Variants in GNB1 observed in about 807,000 individuals in gnomAD.
The protein encoded by GNB1 is guanine nucleotide-binding protein G(I)/G(S)/G(T) subunit beta-1.
A neutral mutation model predicts 42.9 loss-of-function variants in GNB1; 2 were observed. The ratio of observed to expected loss-of-function variants is 0.05; its 90% CI spans 0.02 to 0.15. The LOEUF (loss-of-function observed/expected upper bound fraction) is 0.15, where lower values mean the gene tolerates loss of function less well. Ranked by LOEUF, GNB1 falls within the 10% of genes least tolerant of loss-of-function variation. GNB1 has a pLI of 1.00. For synonymous variants in GNB1, 183 were observed against 174.7 expected (o/e 1.05, Z -0.38); for missense variants, 193 against 462.2 (o/e 0.42, Z 5.34).
chr1:1,800,438 T>C (rs1646608311), intron 7 of GNB1, among the ~76,000 whole-genome samples: 1 of 152,082 alleles, frequency 6.6e-6, no homozygotes, highest in African/African-American at 2.4e-5. Flanking sequence ...GTACATGAAC[T>C]TGAATGGAAA....
intron 1 of GNB1, among the ~76,000 whole-genome samples, chr1:1,886,205 C>A (rs1650147228): frequency 6.6e-6 from 1 of 152,050 alleles, no homozygotes; most frequent in Non-Finnish European, 1.5e-5. Flanking sequence ...GTAATCCCAG[C>A]TACTCGGGAG....
At chr1:1,831,540 C>G (rs1647075816) in intron 2 of GNB1, among the ~76,000 whole-genome samples, 1 of 151,986 alleles carries the variant, frequency 6.6e-6, no homozygotes, top group African/African-American at 2.4e-5. Context: ...CCTCCACCTC[C>G]TGAGTTCAAG....
At chr1:1,844,775 T>C (rs946381514) in intron 1 of GNB1, among the ~76,000 whole-genome samples, 2 of 152,236 alleles carry the variant, frequency 1.3e-5, no homozygotes, top group African/African-American at 2.4e-5. Context: ...AGCAGTCTTA[T>C]GTTTACTACA....
rs1334255852 is a variant in GNB1, at chr1:1,785,898, G to A, written c.*1165C>T. ...TGTACTGCTTCCGATATGTGCCACA[G>A]AGCAGCAACGAGAAGTGGACAGAGC... is the stretch of plus-strand genomic sequence containing the variant. On this transcript the variant is annotated 3_prime_UTR_variant, in exon 12 of 12. Transcript: ENST00000378609. The A allele has an allele frequency of 4.3e-5, 17 of 398,516 alleles. No homozygotes were observed. The highest frequency in any genetic ancestry group is 3.1e-4 in the Admixed American group (7 of 22,654). The allele number at this position is 398,516 out of a possible 1,614,324, so 24.7% of individuals were successfully genotyped here.
At chr1:1,854,666 C>T (rs908385521) in intron 1 of GNB1, among the ~76,000 whole-genome samples, 7 of 152,108 alleles carry the variant, frequency 4.6e-5, no homozygotes, top group Non-Finnish European at 8.8e-5. Context: ...CACCTACTAG[C>T]GAGGCTGAGG....
At chr1:1,805,270 C>A (rs1261864834) in intron 6 of GNB1, among the ~76,000 whole-genome samples, 1 of 151,986 alleles carries the variant, frequency 6.6e-6, no homozygotes, top group East Asian at 1.9e-4. Context: ...ACCAGCCTGG[C>A]CTCAAATTGG....
chr1:1,885,346 G>T (rs1179276924), intron 1 of GNB1, among the ~76,000 whole-genome samples: 1 of 150,744 alleles, frequency 6.6e-6, no homozygotes, highest in Non-Finnish European at 1.5e-5. Flanking sequence ...CCGGGAGGCA[G>T]AAGTTGCAGT....
Position 1,786,908 on chromosome 1 carries a change from C to T in GNB1, c.*155G>A, listed in dbSNP as rs889955425. 1 of 153,164 alleles carries T rather than the reference C, an allele frequency of 6.5e-6. No individual in the cohort carries two copies. The highest frequency in any genetic ancestry group is 1.5e-5 in the Non-Finnish European group (1 of 68,416). 9.5% of individuals were successfully genotyped at this position (153,164 alleles called of 1,614,324 possible). A position where few individuals can be genotyped will look rare whatever the true frequency, so the allele number is the denominator to read the frequency against. ...ATGGGAATTGTGCTCTTGGTTTCAG[C>T]AATAAGTGAAGGAAAAAAGATCTTG... is the stretch of plus-strand genomic sequence containing the variant. On this transcript the variant is annotated 3_prime_UTR_variant, in exon 12 of 12. Transcript: ENST00000378609.
intron 1 of GNB1, among the ~76,000 whole-genome samples, chr1:1,846,757 A>G (rs910082217): frequency 1.3e-5 from 2 of 152,100 alleles, no homozygotes; most frequent in Admixed American, 1.3e-4. Flanking sequence ...AGAGGGTCTC[A>G]CTATGTGGCC....
At chr1:1,819,250 C>A (rs1294752536) in intron 3 of GNB1, among the ~76,000 whole-genome samples, 1 of 150,840 alleles carries the variant, frequency 6.6e-6, no homozygotes, top group East Asian at 1.9e-4. Context: ...GACAGAGTCT[C>A]GCTCTGTCTT....
At chr1:1,845,882 C>T (rs1009968913) in intron 1 of GNB1, among the ~76,000 whole-genome samples, 1 of 149,514 alleles carries the variant, frequency 6.7e-6, no homozygotes, top group African/African-American at 2.5e-5. Flanking sequence ...CGTATATCTC[C>T]TATCTCTTGT....
chr1:1,810,535 C>CAAAAAAAAAAAAAAAAAAAA, intron 5 of GNB1, among the ~76,000 whole-genome samples: 1 of 73,102 alleles, frequency 1.4e-5, no homozygotes, highest in Non-Finnish European at 2.7e-5. Flanking sequence ...GACCCAGTCT[C>CAAAAAAAAAAAAAAAAAAAA]AAAAAAAAAA....
intron 3 of GNB1, chr1:1,818,102 A>AGACCTGCAGCACAATATTCCTGGG (rs1646881501): frequency 2.3e-6 from 1 of 425,792 alleles, no homozygotes; most frequent in African/African-American, 2.0e-5. Context: ...AATCTGTCTA[A>AGACCTGCAGCACAATATTCCTGGG]GACCTGCAGC....
In GNB1 at chr1:1,793,420, A is replaced by G. The variant is rs1646507057; in HGVS notation, c.431-109T>C. Reference sequence around the variant, plus strand: ...GTGGAAGCTCTACGTCTAAGGTAAGACCAGCACCATGCTAGTGACCTTTTA... The same window carrying G: ...GTGGAAGCTCTACGTCTAAGGTAAGGCCAGCACCATGCTAGTGACCTTTTA... On this transcript the variant is annotated intron_variant, in intron 7 of 11. Transcript: ENST00000378609. The G allele has an allele frequency of 5.9e-6, 4 of 675,750 alleles. No individual in the cohort carries two copies. In the Admixed American group the frequency reaches 8.6e-5, roughly 14 times the overall value. 41.9% of individuals were successfully genotyped at this position (675,750 alleles called of 1,614,324 possible).
chr1:1,829,536 A>G (rs974599215), intron 2 of GNB1, among the ~76,000 whole-genome samples: 2 of 152,164 alleles, frequency 1.3e-5, no homozygotes, highest in East Asian at 1.9e-4. Flanking sequence ...CACATTCCCC[A>G]TGGGCTGCAA....
intron 5 of GNB1, among the ~76,000 whole-genome samples, chr1:1,810,875 G>A (rs1174793397): frequency 1.3e-5 from 2 of 151,514 alleles, no homozygotes; most frequent in Non-Finnish European, 1.5e-5. Context: ...ACCATATTGG[G>A]CAGGCTGGTC....
intron 1 of GNB1, among the ~76,000 whole-genome samples, chr1:1,874,925 G>A (rs143463411): frequency 1.3e-5 from 2 of 152,328 alleles, no homozygotes; most frequent in East Asian, 3.9e-4. Flanking sequence ...CACAGACAGA[G>A]GGGATGGTTT....
intron 2 of GNB1, among the ~76,000 whole-genome samples, chr1:1,835,381 C>A (rs954731919): frequency 1.3e-5 from 2 of 152,152 alleles, no homozygotes; most frequent in African/African-American, 4.8e-5. Context: ...AGTAATAGTC[C>A]CCACAGCTCA....
chr1:1,868,505 G>A (rs993454130), intron 1 of GNB1, among the ~76,000 whole-genome samples: 3 of 152,124 alleles, frequency 2.0e-5, no homozygotes, highest in African/African-American at 7.2e-5. Context: ...AAAGTTAGCC[G>A]GGCACAGTTG....
Sources: allele counts gnomAD v4.1 joint callset (sites outside exome capture counted in the v4.1 genomes callset), GRCh38; gene constraint gnomAD v4.1.1; transcripts MANE v1.5; gene names NCBI Gene and HGNC (gene_info 2026-07-23, HGNC 2026-07-21).